Variants in HERC2 observed in about 807,000 individuals in gnomAD.
HERC2 encodes the protein HECT and RLD domain containing E3 ubiquitin protein ligase 2.
HERC2 carries 102 observed loss-of-function variants against 537.7 expected under a neutral mutation model. The ratio of observed to expected loss-of-function variants is 0.19; its 90% CI spans 0.16 to 0.22. The LOEUF (loss-of-function observed/expected upper bound fraction) is 0.22. HERC2 is among the 10% of genes least tolerant of loss of function. HERC2 has a pLI of 1.00. For missense variants in HERC2, 4,236 were observed against 6,198.2 expected, an observed-to-expected ratio of 0.68 and a Z score of 10.63; for synonymous variants, 2,224 against 2,466.2, an observed-to-expected ratio of 0.90 and a Z score of 2.91.
At chr15:28,313,802 T>G (rs1026191750) in intron 2 of HERC2, among the ~76,000 whole-genome samples, 65 of 152,256 alleles carry the variant, frequency 4.3e-4, no homozygotes, top group Admixed American at 7.8e-4. Flanking sequence ...AGCAGTAAGA[T>G]AGTGAGGTCT....
At chr15:28,274,184 G>A (rs545389587) in intron 7 of HERC2, 107 bp downstream of exon 7, 3 of 1,217,914 alleles carry the variant, frequency 2.5e-6, no homozygotes, top group Non-Finnish European at 3.4e-6. Context: ...GAAAACAGGT[G>A]AAAAACCAAC....
chr15:28,189,678 A>C (rs1033588027), intron 55 of HERC2, among the ~76,000 whole-genome samples: 1 of 152,212 alleles, frequency 6.6e-6, no homozygotes, highest in Non-Finnish European at 1.5e-5. Context: ...AAATGTTCTC[A>C]CCACAAAAAA....
Position 28,182,507 on chromosome 15 carries a change from A to G in HERC2, c.8831T>C (p.Ile2944Thr), listed in dbSNP as rs767859939. 6.2e-7 allele frequency: 1 copy of G among 1,609,128 alleles called. No individual in the cohort carries two copies. Among genetic ancestry groups the G allele is most frequent in the South Asian group, 1.1e-5 (1 of 90,976 alleles). ...EDEKGNSGSL[I>T]RKKAAGLESA... The stretch of plus-strand genomic sequence containing the variant: ...TTCCAGCCCAGCAGCCTTCTTTCTA[A>G]TGAGGCTAACCAAACGGAAAAAAAA... Residue 2944 changes from isoleucine (I) to threonine (T), a missense_variant, in exon 57 of 93, where the codon ATT becomes ACT. Transcript: ENST00000261609.
chr15:28,259,826 G>A (rs1185049340), intron 16 of HERC2, among the ~76,000 whole-genome samples: 5 of 151,460 alleles, frequency 3.3e-5, no homozygotes, highest in African/African-American at 1.2e-4. Context: ...AAATTAGCCA[G>A]GCATGGTAGT....
At chr15:28,230,907 T>C (rs1407209794) in intron 30 of HERC2, among the ~76,000 whole-genome samples, 2 of 152,138 alleles carry the variant, frequency 1.3e-5, no homozygotes, top group South Asian at 2.1e-4. Flanking sequence ...TTTAGCTTCA[T>C]GTAATTTTCA....
chr15:28,191,064 A>C lies in HERC2; in HGVS notation c.8558-8T>G. The C allele has an allele frequency of 6.2e-7, 1 of 1,604,860 alleles. No homozygotes were observed. Among genetic ancestry groups the C allele is most frequent in the Non-Finnish European group, 8.5e-7 (1 of 1,171,580 alleles). ...TATTCAGGGAATTTCCACCTAGGAA[A>C]AAATGGGTAAAGAATCAAACAAAGG... On this transcript the variant is annotated splice_region_variant and splice_polypyrimidine_tract_variant and intron_variant, in intron 54 of 92. Coordinates refer to ENST00000261609, the MANE Select transcript of HERC2 (RefSeq NM_004667.6).
At position 28,176,885 on chromosome 15, in the gene HERC2, C is replaced by T; in HGVS notation, c.9432+65G>A. On this transcript the variant is annotated intron_variant, in intron 61 of 92. Coordinates refer to ENST00000261609, the MANE Select transcript of HERC2 (RefSeq NM_004667.6). This position sits in a 1 kb window ranked among gnomAD's most constrained non-coding sequence, Gnocchi z 5.0. ...TTTATGAACTTTCCTAGACTTGAAGCTTATTTTCTCTTGACATCTTCAGAT... is the reference window on the plus strand; with the variant it reads ...TTTATGAACTTTCCTAGACTTGAAGTTTATTTTCTCTTGACATCTTCAGAT... 6.3e-7 allele frequency: 1 copy of T among 1,584,536 alleles called. No individual in the cohort carries two copies. The highest frequency in any genetic ancestry group is 1.1e-5 in the South Asian group (1 of 89,154).
At position 28,186,678 on chromosome 15, in the gene HERC2, G is replaced by A. The variant is rs1384520330; in HGVS notation, c.8724C>T (p.Ile2908=). The A allele has an allele frequency of 6.2e-7, 1 of 1,613,888 alleles. No individual in the cohort carries two copies. The highest frequency in any genetic ancestry group is 1.3e-5 in the African/African-American group (1 of 74,902). The change falls in exon 56 of 93, where the codon ATC becomes ATT. Residue 2908 remains isoleucine (I), a synonymous_variant. Coordinates refer to ENST00000261609, the MANE Select transcript of HERC2 (RefSeq NM_004667.6). ...CTTCTGCACGGATCCGTCCCAGCAG[G>A]ATGAGACCATGGATTTTACAATCGA... ...SGIDCKIHGL[I]LLGRIRAEEE...
intron 69 of HERC2, among the ~76,000 whole-genome samples, chr15:28,158,682 C>G (rs1210523250): frequency 2.0e-5 from 3 of 152,126 alleles, no homozygotes; most frequent in Admixed American, 6.5e-5. Flanking sequence ...GGTCTTGACT[C>G]TTTATCCAAT....
At chr15:28,247,066 T>A (rs1903780268) in intron 21 of HERC2, among the ~76,000 whole-genome samples, 169 bp from the exon 22 acceptor site, 1 of 152,206 alleles carries the variant, frequency 6.6e-6, no homozygotes, top group African/African-American at 2.4e-5. Context: ...ATCATGTGAC[T>A]GGAGGGACAG....
chr15:28,168,889 G>A (rs913983698), intron 66 of HERC2, among the ~76,000 whole-genome samples: 10 of 152,194 alleles, frequency 6.6e-5, no homozygotes, highest in African/African-American at 2.4e-4. Context: ...ATCCTCTTGG[G>A]CTGCTGTGAG....
chr15:28,270,737 C>A lies in HERC2; in HGVS notation c.1215G>T (p.Thr405=), dbSNP rs774591179. 2.5e-6 allele frequency: 4 copies of A among 1,613,846 alleles called. No homozygotes were observed. The highest frequency in any genetic ancestry group is 3.4e-6 in the Non-Finnish European group (4 of 1,179,842). Residue 405 remains threonine, a synonymous_variant, in exon 10 of 93, where the codon ACG becomes ACT. Coordinates refer to ENST00000261609, the MANE Select transcript of HERC2 (RefSeq NM_004667.6). The part of the protein sequence containing the change: ...VVMAHLDRLA[T]PCMPPLCSSP... ...AGCTACACAGCGGAGGCATACAGGG[C>A]GTAGCCAGACGGTCTAAATGGGCCA...
intron 56 of HERC2, among the ~76,000 whole-genome samples, chr15:28,184,480 T>A (rs1896111447): frequency 6.6e-6 from 1 of 152,162 alleles, no homozygotes; most frequent in Admixed American, 6.5e-5. Flanking sequence ...TAGCTTTTCT[T>A]TCGACAATAT....
intron 31 of HERC2, among the ~76,000 whole-genome samples, chr15:28,230,082 T>C (rs1330451938): frequency 6.6e-6 from 1 of 152,212 alleles, no homozygotes; most frequent in Non-Finnish European, 1.5e-5. Flanking sequence ...ATGGTTCATA[T>C]TAATAGCCAC....
chr15:28,127,259 T>C (rs1889601338), intron 83 of HERC2, among the ~76,000 whole-genome samples: 1 of 151,976 alleles, frequency 6.6e-6, no homozygotes, highest in Non-Finnish European at 1.5e-5. Flanking sequence ...AGGGAATGAG[T>C]CTGTGAGAGT....
chr15:28,310,404 C>T (rs553926884), intron 2 of HERC2, among the ~76,000 whole-genome samples: 1 of 152,012 alleles, frequency 6.6e-6, no homozygotes, highest in Admixed American at 6.6e-5. Context: ...GAGATCACTC[C>T]ACTGTACTCC....
At chr15:28,248,474 T>C (rs1388419029) in intron 21 of HERC2, 78 bp downstream of exon 21, 38 of 1,068,916 alleles carry the variant, frequency 3.6e-5, no homozygotes, top group Non-Finnish European at 4.9e-5. Context: ...TCTGGGCATA[T>C]AGGATGGACA....
Position 28,228,177 on chromosome 15 carries a change from T to G in HERC2, c.5464+41A>C, listed in dbSNP as rs778823886. On this transcript the variant is annotated intron_variant, in intron 35 of 92. Transcript: ENST00000261609. ...AAAGAAAAGAAATCAAAGCAAAATCTTGACATTTTCCCAAAGGCGCTCAAG... is the reference window on the plus strand; with the variant it reads ...AAAGAAAAGAAATCAAAGCAAAATCGTGACATTTTCCCAAAGGCGCTCAAG... The G allele has an allele frequency of 8.3e-6, 13 of 1,559,988 alleles. No homozygotes were observed. The African/African-American group carries it at 1.4e-4, about 16-fold the overall frequency.
At chr15:28,221,923 T>A (rs1900560647) in intron 36 of HERC2, 105 bp downstream of exon 36, 1 of 959,164 alleles carries the variant, frequency 1.0e-6, no homozygotes, top group South Asian at 1.3e-5. Flanking sequence ...ATCAATCAAC[T>A]GACACATCCT....
Sources: allele counts gnomAD v4.1 joint callset (sites outside exome capture counted in the v4.1 genomes callset), GRCh38; gene constraint gnomAD v4.1.1; non-coding constraint Gnocchi (gnomAD v3.1); transcripts MANE v1.5; gene names NCBI Gene and HGNC (gene_info 2026-07-23, HGNC 2026-07-21).